EFCAB5: variants seen among roughly 807,000 people sequenced by gnomAD.
The protein encoded by EFCAB5 is EF-hand calcium binding domain 5, also known as EF-hand calcium-binding domain-containing protein 5.
A neutral mutation model predicts 167.9 loss-of-function variants in EFCAB5; 131 were observed. The observed-to-expected ratio is 0.78, with a 90% CI of 0.68 to 0.90. The LOEUF (loss-of-function observed/expected upper bound fraction) is 0.90, where lower values mean the gene tolerates loss of function less well. EFCAB5 is among the 40% of genes least tolerant of loss of function. The pLI, the probability that EFCAB5 is intolerant of heterozygous loss-of-function variation, is 0.00. For missense variants in EFCAB5, 1,663 were observed against 1,745.2 expected, an observed-to-expected ratio of 0.95 and a Z score of 0.84; for synonymous variants, 574 against 602.8, an observed-to-expected ratio of 0.95 and a Z score of 0.70.
chr17:29,938,089 G>A (rs2067260604), upstream of EFCAB5, among the ~76,000 whole-genome samples: 1 of 152,112 alleles, frequency 6.6e-6, no homozygotes, highest in East Asian at 1.9e-4. Context: ...CCATTGTGGT[G>A]ACTAAAATTA....
chr17:30,075,665 G>A (rs957216710), intron 14 of EFCAB5, among the ~76,000 whole-genome samples: 1 of 152,034 alleles, frequency 6.6e-6, no homozygotes, highest in Non-Finnish European at 1.5e-5. Flanking sequence ...TCTCTGTAAG[G>A]CCAGCGTCTT....
intron 7 of EFCAB5, among the ~76,000 whole-genome samples, chr17:30,033,582 G>A (rs1488037339): frequency 6.6e-6 from 1 of 152,214 alleles, no homozygotes; most frequent in Non-Finnish European, 1.5e-5. Context: ...AGTCATAGGA[G>A]TGCAAAAGTG....
chr17:30,097,550 A>G (rs1320260114), intron 22 of EFCAB5, among the ~76,000 whole-genome samples: 1 of 152,184 alleles, frequency 6.6e-6, no homozygotes. Context: ...TGATTCATCA[A>G]TTTTAAACCT....
At chr17:30,002,713 G>A (rs975474123) in intron 7 of EFCAB5, among the ~76,000 whole-genome samples, 5 of 152,020 alleles carry the variant, frequency 3.3e-5, no homozygotes, top group African/African-American at 7.2e-5. Context: ...ACTCTATTTA[G>A]AGAATTTCTT....
intron 22 of EFCAB5, among the ~76,000 whole-genome samples, chr17:30,095,079 A>T (rs1177679778): frequency 6.6e-6 from 1 of 152,144 alleles, no homozygotes; most frequent in Non-Finnish European, 1.5e-5. Flanking sequence ...GATGCCCCAT[A>T]ACTGCTGCAT....
intron 3 of EFCAB5, among the ~76,000 whole-genome samples, chr17:29,957,655 G>T (rs2067643509): frequency 6.6e-6 from 1 of 152,070 alleles, no homozygotes; most frequent in African/African-American, 2.4e-5. Flanking sequence ...CAAAGGACAT[G>T]ATCTCATTCC....
intron 3 of EFCAB5, among the ~76,000 whole-genome samples, chr17:29,960,581 G>A (rs2151557786): frequency 6.6e-6 from 1 of 152,212 alleles, no homozygotes; most frequent in African/African-American, 2.4e-5. Flanking sequence ...TTATCCTGAT[G>A]CTCTCCTTCC....
At position 30,029,718 on chromosome 17, in the gene EFCAB5, A is replaced by AG. The variant is rs1335647198; in HGVS notation, c.1045-4509dup. On this transcript the variant is annotated intron_variant, in intron 7 of 22. Transcript: ENST00000394835. ...TTGTTTGCACTCCTCGTATACTACCAGGGCTTACAAATACCGTTTGGAAGT... is the reference window on the plus strand; with the variant it reads ...TTGTTTGCACTCCTCGTATACTACCAGGGGCTTACAAATACCGTTTGGAAGT... Among the ~76,000 whole-genome samples, 4 of 152,174 alleles carry AG rather than the reference A, an allele frequency of 2.6e-5. No individual in the cohort carries two copies. In the East Asian group the frequency reaches 7.7e-4, roughly 29 times the overall value.
intron 7 of EFCAB5, among the ~76,000 whole-genome samples, chr17:30,011,338 G>A (rs1597664071): frequency 6.6e-6 from 1 of 152,268 alleles, no homozygotes; most frequent in East Asian, 1.9e-4. Flanking sequence ...CCAATTCTGT[G>A]AAGAAAGTTA....
intron 3 of EFCAB5, among the ~76,000 whole-genome samples, chr17:29,967,639 A>G (rs939247947): frequency 2.0e-5 from 3 of 152,160 alleles, no homozygotes; most frequent in Admixed American, 2.0e-4. Context: ...GGCCCCCTTC[A>G]TGATTGTAGT....
chr17:30,023,737 A>T (rs2069242512), intron 7 of EFCAB5, among the ~76,000 whole-genome samples: 1 of 152,156 alleles, frequency 6.6e-6, no homozygotes, highest in Non-Finnish European at 1.5e-5. Context: ...AAAAAAGAGA[A>T]TTTTAGACTA....
intron 7 of EFCAB5, among the ~76,000 whole-genome samples, chr17:30,010,032 C>T (rs1430341278): frequency 3.9e-5 from 6 of 152,128 alleles, no homozygotes; most frequent in Non-Finnish European, 5.9e-5. Flanking sequence ...GTTCAATTCC[C>T]ACCTATGAGT....
chr17:29,980,645 C>T (rs1164559554), intron 4 of EFCAB5, among the ~76,000 whole-genome samples: 1 of 152,194 alleles, frequency 6.6e-6, no homozygotes, highest in Non-Finnish European at 1.5e-5. Flanking sequence ...GGCTCATTCT[C>T]TGCTACTTGA....
At chr17:29,977,141 C>T (rs1239704180) in intron 4 of EFCAB5, among the ~76,000 whole-genome samples, 5 of 152,042 alleles carry the variant, frequency 3.3e-5, no homozygotes, top group Non-Finnish European at 7.4e-5. Flanking sequence ...TTCCCTCTGA[C>T]TCTTGATTTC....
chr17:29,941,710 G>A lies in EFCAB5; in HGVS notation c.-87G>A. 1.6e-6 allele frequency: 2 copies of A among 1,229,974 alleles called. No individual in the cohort carries two copies. Among genetic ancestry groups the A allele is most frequent in the Non-Finnish European group, 2.3e-6 (2 of 869,500 alleles). 76.2% of individuals were successfully genotyped at this position (1,229,974 alleles called of 1,614,324 possible). ...TTTAACTTCTGGAGTACTTTGTGAT[G>A]TTTATTAATATTTTCTTTCTTTTTG... On this transcript the variant is annotated 5_prime_UTR_variant, in exon 1 of 23. An upstream start codon of the reference 5' UTR is lost. Transcript: ENST00000394835.
intron 8 of EFCAB5, among the ~76,000 whole-genome samples, chr17:30,039,154 C>T (rs934177752): frequency 3.3e-5 from 5 of 152,168 alleles, no homozygotes; most frequent in African/African-American, 1.2e-4. Flanking sequence ...CTGAGAACCA[C>T]ATCCTCACCA....
chr17:30,093,574 G>C (rs764018029), intron 22 of EFCAB5, among the ~76,000 whole-genome samples: 4 of 152,172 alleles, frequency 2.6e-5, no homozygotes, highest in Admixed American at 6.5e-5. Flanking sequence ...CCTACTATCT[G>C]TGGAGGCTCT....
At chr17:29,963,393 A>G (rs1460073617) in intron 3 of EFCAB5, among the ~76,000 whole-genome samples, 2 of 152,170 alleles carry the variant, frequency 1.3e-5, no homozygotes, top group Non-Finnish European at 2.9e-5. Context: ...CATTCCTGAG[A>G]TAAATCTGGA....
intron 7 of EFCAB5, among the ~76,000 whole-genome samples, chr17:30,003,892 A>G (rs1279387160): frequency 1.3e-5 from 2 of 152,258 alleles, no homozygotes; most frequent in East Asian, 3.9e-4. Context: ...TTTGGTTATA[A>G]TGCTATTGAT....
Sources: allele counts gnomAD v4.1 joint callset (sites outside exome capture counted in the v4.1 genomes callset), GRCh38; gene constraint gnomAD v4.1.1; transcripts MANE v1.5; gene names NCBI Gene and HGNC (gene_info 2026-07-23, HGNC 2026-07-21).